Variants in STK3 observed in about 807,000 individuals in gnomAD.
STK3 encodes serine/threonine-protein kinase 3.
In STK3, 41 loss-of-function variants were observed where a neutral mutation model predicts 58.0. That is an observed-to-expected ratio of 0.71 (90% confidence interval 0.55 to 0.92). The LOEUF (loss-of-function observed/expected upper bound fraction) is 0.92, where lower values mean the gene tolerates loss of function less well. Among genes scored for constraint, STK3 ranks in the 40% least tolerant of loss-of-function variants. STK3 has a pLI of 0.00. For synonymous variants in STK3, 170 were observed against 191.0 expected (o/e 0.89, Z 0.91); for missense variants, 479 against 602.7 (o/e 0.79, Z 2.15).
chr8:98,861,906 G>A (rs1836951578), intron 3 of STK3, among the ~76,000 whole-genome samples: 1 of 152,176 alleles, frequency 6.6e-6, no homozygotes, highest in Non-Finnish European at 1.5e-5. Flanking sequence ...ATTATTTGAA[G>A]TCCCAGTTTC....
At chr8:98,795,103 A>C (rs2515213) in intron 1 of STK3, among the ~76,000 whole-genome samples, 1 of 64,712 alleles carries the variant, frequency 1.5e-5, no homozygotes, top group African/African-American at 6.0e-5. Context: ...AAAAAAAAAA[A>C]ATATATATAT....
intron 1 of STK3, among the ~76,000 whole-genome samples, chr8:98,816,875 T>A (rs776499081): frequency 6.6e-5 from 10 of 152,242 alleles, no homozygotes; most frequent in Non-Finnish European, 1.2e-4. Flanking sequence ...ACCTACAGTA[T>A]CTAGCAATGC....
chr8:98,362,571 C>T, the STK3 span, among the ~76,000 whole-genome samples: 97 of 152,308 alleles, frequency 6.4e-4, no homozygotes, highest in African/African-American at 2.1e-3. Context: ...AATCTGCATC[C>T]ACCCAGCGTC....
In STK3 at chr8:98,579,783, A is replaced by G. The variant is rs760305689; in HGVS notation, c.829T>C (p.Phe277Leu). Residue 277 changes from phenylalanine to leucine, a missense_variant, in exon 8 of 11, where the codon TTT becomes CTT. Phe to Leu is a conservative substitution (Grantham distance 22). Transcript: ENST00000419617. ...ATATQLLQHPFIKNAKPVSIL... is the reference protein window; with the variant it reads ...ATATQLLQHPLIKNAKPVSIL... ...GATACAGGTTTGGCATTCTTGATAA[A>G]AGGATGCTAAAAAAGTAAAATTCAA... The G allele has an allele frequency of 8.3e-6, 13 of 1,568,330 alleles. No individual in the cohort carries two copies. The Admixed American group carries it at 2.1e-4, about 26-fold the overall frequency.
intron 8 of STK3, among the ~76,000 whole-genome samples, chr8:98,570,984 G>A (rs1255516660): frequency 6.6e-6 from 1 of 152,104 alleles, no homozygotes. Context: ...GGACTGACTT[G>A]GGCTAATTCT....
the STK3 span, among the ~76,000 whole-genome samples, chr8:98,345,271 T>C: frequency 4.7e-4 from 72 of 152,000 alleles, no homozygotes; most frequent in Non-Finnish European, 8.2e-4. Flanking sequence ...CCCATATTCA[T>C]TGAGAAGAAA....
intron 1 of STK3, among the ~76,000 whole-genome samples, chr8:98,913,812 T>G (rs1254387251): frequency 6.6e-6 from 1 of 152,240 alleles, no homozygotes; most frequent in Non-Finnish European, 1.5e-5. Flanking sequence ...CCAAGGCAAT[T>G]GCCTCTGGCA....
chr8:98,712,500 C>T (rs1307566197), intron 4 of STK3, among the ~76,000 whole-genome samples: 7 of 151,186 alleles, frequency 4.6e-5, no homozygotes, highest in African/African-American at 1.2e-4. Flanking sequence ...TCTGATAAAA[C>T]AGACGTTAAA....
At chr8:98,654,328 G>A (rs1053724297) in intron 6 of STK3, among the ~76,000 whole-genome samples, 23 of 152,198 alleles carry the variant, frequency 1.5e-4, no homozygotes, top group Non-Finnish European at 2.2e-4. Context: ...TTGATGGGAC[G>A]TATGTCAAAA....
At chr8:98,821,661 C>CA (rs769163769) in intron 1 of STK3, among the ~76,000 whole-genome samples, 379 of 94,494 alleles carry the variant, frequency 4.0e-3, no homozygotes, top group Non-Finnish European at 5.0e-3. Flanking sequence ...GACCCAATCT[C>CA]AAAAAAAAAA....
intron 6 of STK3, among the ~76,000 whole-genome samples, chr8:98,691,682 C>A (rs1330816121): frequency 1.3e-5 from 2 of 151,952 alleles, no homozygotes; most frequent in Non-Finnish European, 2.9e-5. Flanking sequence ...ACCTGTAATC[C>A]CAACACTTTG....
At chr8:98,898,805 G>GTCTT (rs1838552043) in intron 1 of STK3, among the ~76,000 whole-genome samples, 1 of 152,180 alleles carries the variant, frequency 6.6e-6, no homozygotes, top group Non-Finnish European at 1.5e-5. Flanking sequence ...TAAAACGAAA[G>GTCTT]AAATATTTTT....
At chr8:98,386,923 A>G (rs1817797321) in intron 1 of STK3, among the ~76,000 whole-genome samples, 1 of 152,212 alleles carries the variant, frequency 6.6e-6, no homozygotes, top group African/African-American at 2.4e-5. Flanking sequence ...GTACCACTGC[A>G]CTGCAGCCTG....
At position 98,455,818 on chromosome 8, in the gene STK3, T is replaced by G. The variant is rs1666062904; in HGVS notation, c.*24A>C. ...AGTGGTTTCTTGGTCTCCAGAATAG[T>G]TAAAAACAGAGAGGAAATTAGACTC... On this transcript the variant is annotated 3_prime_UTR_variant, in exon 11 of 11. Coordinates refer to ENST00000419617, the MANE Select transcript of STK3 (RefSeq NM_006281.4). The G allele has an allele frequency of 6.2e-7, 1 of 1,612,500 alleles. No individual in the cohort carries two copies. The highest frequency in any genetic ancestry group is 1.3e-5 in the African/African-American group (1 of 75,010).
chr8:98,360,950 G>A, the STK3 span, among the ~76,000 whole-genome samples: 1 of 152,098 alleles, frequency 6.6e-6, no homozygotes, highest in South Asian at 2.1e-4. Flanking sequence ...GTCCCTAAAC[G>A]TTCAGTTCAC....
chr8:98,346,207 C>T, the STK3 span, among the ~76,000 whole-genome samples: 9 of 151,142 alleles, frequency 6.0e-5, no homozygotes, highest in Admixed American at 5.3e-4. Flanking sequence ...ATTGCTTGAA[C>T]CTGGGAGGCA....
At chr8:98,560,931 G>A (rs1376385070) in intron 8 of STK3, among the ~76,000 whole-genome samples, 5 of 152,074 alleles carry the variant, frequency 3.3e-5, no homozygotes, top group Non-Finnish European at 1.5e-5. Flanking sequence ...TACTTGGGAG[G>A]CTGATGTGAG....
intron 6 of STK3, among the ~76,000 whole-genome samples, chr8:98,614,464 G>C (rs1817487208): frequency 6.6e-6 from 1 of 152,174 alleles, no homozygotes; most frequent in Non-Finnish European, 1.5e-5. Context: ...AGCCAAGATG[G>C]CCGAATAGGA....
At chr8:98,587,728 A>T (rs1178375050) in intron 7 of STK3, among the ~76,000 whole-genome samples, 2 of 152,106 alleles carry the variant, frequency 1.3e-5, no homozygotes, top group Non-Finnish European at 2.9e-5. Context: ...AATGTGTGGG[A>T]GTCTAAGTCT....
Sources: allele counts gnomAD v4.1 joint callset (sites outside exome capture counted in the v4.1 genomes callset), GRCh38; gene constraint gnomAD v4.1.1; transcripts MANE v1.5; gene names NCBI Gene and HGNC (gene_info 2026-07-23, HGNC 2026-07-21).